Variants in CMIP observed in about 807,000 individuals in gnomAD.
CMIP encodes C-Maf-inducing protein.
CMIP carries 13 observed loss-of-function variants against 97.3 expected under a neutral mutation model. The ratio of observed to expected loss-of-function variants is 0.13; its 90% CI spans 0.09 to 0.21. CMIP has a LOEUF of 0.21. Among genes scored for constraint, CMIP ranks in the 10% least tolerant of loss-of-function variants. CMIP has a pLI of 1.00. For missense variants in CMIP, 847 were observed against 1,024.9 expected, an observed-to-expected ratio of 0.83 and a Z score of 2.37; for synonymous variants, 538 against 436.3, an observed-to-expected ratio of 1.23 and a Z score of -2.91.
chr16:81,510,660 A>G (rs1377108746), intron 1 of CMIP, among the ~76,000 whole-genome samples: 1 of 152,118 alleles, frequency 6.6e-6, no homozygotes, highest in Non-Finnish European at 1.5e-5. Context: ...TCCAAGACCA[A>G]TGTTTTTTTT....
chr16:81,456,192 C>A (rs1398712407), intron 1 of CMIP, among the ~76,000 whole-genome samples: 2 of 152,238 alleles, frequency 1.3e-5, no homozygotes, highest in East Asian at 1.9e-4. Flanking sequence ...CAGGGCCAGA[C>A]AGAGCCCAGA....
chr16:81,595,040 C>CTCTG (rs1386224143), intron 1 of CMIP, among the ~76,000 whole-genome samples: 2 of 151,340 alleles, frequency 1.3e-5, no homozygotes, highest in African/African-American at 4.9e-5. Flanking sequence ...TGTGGTCTCT[C>CTCTG]TCTCTCTCTC....
chr16:81,476,036 C>T lies in CMIP; in HGVS notation c.300+30495C>T, dbSNP rs545700610. On this transcript the variant is annotated intron_variant, in intron 1 of 20. Coordinates refer to ENST00000537098, the MANE Select transcript of CMIP (RefSeq NM_198390.3). Reference sequence around the variant, plus strand: ...ATAAGTCAAACTTTATTCAAGTTGTCCACAGTTAGCAATAGTGATCTTCTT... The same window carrying T: ...ATAAGTCAAACTTTATTCAAGTTGTTCACAGTTAGCAATAGTGATCTTCTT... 1.3e-4 allele frequency: 91 copies of T among 695,450 alleles called. 1 individual carries two copies. Among genetic ancestry groups the T allele is most frequent in the South Asian group, 1.2e-3 (87 of 70,960 alleles). The allele number at this position is 695,450 out of a possible 1,614,324, so 43.1% of individuals were successfully genotyped here. A position where few individuals can be genotyped will look rare whatever the true frequency, so the allele number is the denominator to read the frequency against.
chr16:81,680,234 G>A (rs1230141293), intron 10 of CMIP, among the ~76,000 whole-genome samples: 1 of 152,202 alleles, frequency 6.6e-6, no homozygotes, highest in Admixed American at 6.5e-5. Flanking sequence ...GTGTCGTCAC[G>A]CGCTGGGCAG....
intron 10 of CMIP, among the ~76,000 whole-genome samples, chr16:81,681,256 C>A (rs761117256): frequency 6.6e-6 from 1 of 152,260 alleles, no homozygotes; most frequent in East Asian, 1.9e-4. Context: ...TTCCTCCCCA[C>A]ACCCAGCAGG....
At chr16:81,480,174 T>C (rs970058309) in intron 1 of CMIP, among the ~76,000 whole-genome samples, 7 of 152,292 alleles carry the variant, frequency 4.6e-5, no homozygotes, top group East Asian at 3.9e-4. Context: ...GTAGGTAATA[T>C]TATCTCCATT....
intron 1 of CMIP, among the ~76,000 whole-genome samples, chr16:81,578,268 G>A (rs2091236207): frequency 6.6e-6 from 1 of 152,132 alleles, no homozygotes. Context: ...CACTGTTACA[G>A]CATCACCACT....
chr16:81,663,352 C>G (rs772031686), intron 6 of CMIP, among the ~76,000 whole-genome samples: 1 of 151,682 alleles, frequency 6.6e-6, no homozygotes, highest in Non-Finnish European at 1.5e-5. Flanking sequence ...GCTTTAAATG[C>G]ATATTAGTAA....
At chr16:81,689,093 T>C (rs1176579252) in intron 10 of CMIP, among the ~76,000 whole-genome samples, 1 of 152,256 alleles carries the variant, frequency 6.6e-6, no homozygotes, top group Non-Finnish European at 1.5e-5. Context: ...GTCTTTGCTA[T>C]TGTGAATAGT....
At chr16:81,504,249 C>G (rs548902649) in intron 1 of CMIP, among the ~76,000 whole-genome samples, 2 of 151,790 alleles carry the variant, frequency 1.3e-5, no homozygotes, top group East Asian at 1.9e-4. Context: ...TCGCTTGAAC[C>G]CGGGAGGCAG....
At chr16:81,644,702 C>T (rs980784154) in intron 3 of CMIP, among the ~76,000 whole-genome samples, 5 of 152,228 alleles carry the variant, frequency 3.3e-5, no homozygotes, top group Non-Finnish European at 5.9e-5. Context: ...CATAGTGAGT[C>T]TTGAATCAGG....
chr16:81,615,084 C>A (rs894521572), intron 2 of CMIP, among the ~76,000 whole-genome samples: 1 of 107,006 alleles, frequency 9.3e-6, no homozygotes, highest in Non-Finnish European at 1.9e-5. Context: ...TGTGGTATGT[C>A]TTTGTGTGTA....
Position 81,655,086 on chromosome 16 carries a change from C to T in CMIP, c.640-2689C>T, listed in dbSNP as rs1011727629. On this transcript the variant is annotated intron_variant, in intron 4 of 20. Transcript: ENST00000537098. This position sits in a 1 kb window ranked among gnomAD's most constrained non-coding sequence, Gnocchi z 4.9. ...TGGCACTGTGCCTAACTTGCAAGGG[C>T]CTTTGATACATGGCCACATTTTCAT... Among the ~76,000 whole-genome samples the T allele has an allele frequency of 6.6e-6, 1 of 152,178 alleles. No homozygotes were observed. Among genetic ancestry groups the T allele is most frequent in the African/African-American group, 2.4e-5 (1 of 41,428 alleles).
At chr16:81,492,519 G>A (rs762071914) in intron 1 of CMIP, among the ~76,000 whole-genome samples, 3 of 152,172 alleles carry the variant, frequency 2.0e-5, no homozygotes, top group Non-Finnish European at 4.4e-5. Context: ...GCAGGGAGGG[G>A]TTTCAGTGGC....
At chr16:81,704,299 C>T (rs1351162757) in intron 18 of CMIP, among the ~76,000 whole-genome samples, 1 of 54,548 alleles carries the variant, frequency 1.8e-5, no homozygotes, top group Non-Finnish European at 3.7e-5. Context: ...TCCCTGCCCC[C>T]TCACCCTCCT....
In CMIP at chr16:81,693,161, T is replaced by C. The variant is rs1485063851; in HGVS notation, c.1458T>C (p.Ala486=). Residue 486 remains alanine, a synonymous_variant, in exon 12 of 21, where the codon GCT becomes GCC. Transcript: ENST00000537098. ...LLQPIPFPKE[A]LAHEKFTKEL... Reference sequence around the variant, plus strand: ...TTTTCCCCTGTTTTTGTTGCAGAGCTCTCGCACATGAGAAGTTCACCAAGT... The same window carrying C: ...TTTTCCCCTGTTTTTGTTGCAGAGCCCTCGCACATGAGAAGTTCACCAAGT... 1.9e-6 allele frequency: 3 copies of C among 1,613,004 alleles called. No homozygotes were observed. The highest frequency in any genetic ancestry group is 2.5e-6 in the Non-Finnish European group (3 of 1,179,210).
chr16:81,595,911 A>G (rs1171131520), intron 1 of CMIP, among the ~76,000 whole-genome samples: 1 of 152,178 alleles, frequency 6.6e-6, no homozygotes, highest in Admixed American at 6.5e-5. Context: ...TAGGAGTGGA[A>G]TTACTGGGTC....
At chr16:81,588,290 A>G (rs560969195) in intron 1 of CMIP, among the ~76,000 whole-genome samples, 1 of 152,326 alleles carries the variant, frequency 6.6e-6, no homozygotes, top group South Asian at 2.1e-4. Flanking sequence ...CTGTCTTTCA[A>G]AGTAGATGCC....
intron 3 of CMIP, among the ~76,000 whole-genome samples, chr16:81,626,814 T>TG (rs1330110229): frequency 1.7e-5 from 2 of 120,666 alleles, no homozygotes; most frequent in African/African-American, 6.2e-5. Context: ...TGTGTGTGTG[T>TG]GTGGGGTGCA....
Sources: gnomAD v4.1 joint callset for allele counts (sites outside exome capture counted in the v4.1 genomes callset) on GRCh38, gnomAD v4.1.1 for gene constraint, Gnocchi (gnomAD v3.1) non-coding constraint, MANE v1.5 for transcripts, NCBI Gene and HGNC (gene_info 2026-07-23, HGNC 2026-07-21) for gene names.